Variants in LINGO2 observed in about 807,000 individuals in gnomAD.
The protein encoded by LINGO2 is leucine rich repeat and Ig domain containing 2, also known as leucine-rich repeat and immunoglobulin-like domain-containing nogo receptor-interacting protein 2.
Under a neutral mutation model 30.6 loss-of-function variants are expected in LINGO2, and 14 were observed. The ratio of observed to expected loss-of-function variants is 0.46; its 90% CI spans 0.30 to 0.72. LINGO2 has a LOEUF of 0.72. Among genes scored for constraint, LINGO2 ranks in the 30% least tolerant of loss-of-function variants. LINGO2 has a pLI of 0.07. For synonymous variants in LINGO2, 317 were observed against 288.5 expected (o/e 1.10, Z -1.00); for missense variants, 729 against 751.7 (o/e 0.97, Z 0.35).
At chr9:29,096,501 G>A in the LINGO2 span, among the ~76,000 whole-genome samples, 9 of 139,426 alleles carry the variant, frequency 6.5e-5, no homozygotes, top group African/African-American at 2.4e-4. Context: ...GGCCAGGCTG[G>A]TCTCAAATTC....
At chr9:28,538,513 T>A (rs1821532810) in intron 1 of LINGO2, among the ~76,000 whole-genome samples, 1 of 151,644 alleles carries the variant, frequency 6.6e-6, no homozygotes, top group Non-Finnish European at 1.5e-5. Flanking sequence ...AATAAAGGAG[T>A]AAAAAAGAAA....
chr9:28,346,390 C>T (rs141079287), intron 3 of LINGO2, among the ~76,000 whole-genome samples: 2,993 of 152,260 alleles, frequency 0.02, 111 homozygotes, highest in African/African-American at 0.068. Flanking sequence ...TTTTTTATGG[C>T]TGCATAGTAG....
At chr9:28,289,568 G>C (rs542280669) in intron 4 of LINGO2, among the ~76,000 whole-genome samples, 2 of 152,236 alleles carry the variant, frequency 1.3e-5, no homozygotes, top group East Asian at 1.9e-4. Flanking sequence ...CTCTTCCTTT[G>C]TGACAAGATA....
chr9:28,270,127 T>G (rs150113278), intron 4 of LINGO2, among the ~76,000 whole-genome samples: 1 of 152,146 alleles, frequency 6.6e-6, no homozygotes, highest in Non-Finnish European at 1.5e-5. Context: ...TTTCACTGAG[T>G]TCGGCAAAGT....
intron 1 of LINGO2, among the ~76,000 whole-genome samples, chr9:28,609,417 A>G (rs1373823968): frequency 1.3e-5 from 2 of 152,008 alleles, no homozygotes; most frequent in Non-Finnish European, 2.9e-5. Flanking sequence ...AATAATAAAA[A>G]GCAAACTTCC....
chr9:28,581,113 G>A (rs529337587), intron 1 of LINGO2, among the ~76,000 whole-genome samples: 1 of 151,916 alleles, frequency 6.6e-6, no homozygotes, highest in Non-Finnish European at 1.5e-5. Context: ...AGAAATTCAG[G>A]CTGTTGACAT....
chr9:29,070,743 A>AG, the LINGO2 span, among the ~76,000 whole-genome samples: 10 of 51,378 alleles, frequency 1.9e-4, no homozygotes, highest in Non-Finnish European at 2.9e-4. Flanking sequence ...ACTATTTTCC[A>AG]AAAAAAAAAA....
intron 4 of LINGO2, among the ~76,000 whole-genome samples, chr9:28,211,939 T>TA (rs1050730749): frequency 4.6e-5 from 7 of 151,334 alleles, no homozygotes; most frequent in East Asian, 1.9e-4. Flanking sequence ...TTTTTTTTTT[T>TA]ATCGATTACT....
the LINGO2 span, among the ~76,000 whole-genome samples, chr9:28,872,396 G>T: frequency 6.6e-6 from 1 of 151,920 alleles, no homozygotes; most frequent in African/African-American, 2.4e-5. Flanking sequence ...TAACAGGAAA[G>T]ATAAGATTCA....
At chr9:28,104,060 C>T (rs772216132) in intron 4 of LINGO2, among the ~76,000 whole-genome samples, 9 of 151,884 alleles carry the variant, frequency 5.9e-5, no homozygotes, top group Non-Finnish European at 1.2e-4. Context: ...GAAAAAAACT[C>T]CTATAAAATA....
chr9:28,753,979 A>G, the LINGO2 span, among the ~76,000 whole-genome samples: 1 of 150,686 alleles, frequency 6.6e-6, no homozygotes, highest in African/African-American at 2.5e-5. Context: ...TTCCACTTTA[A>G]TTTTTATTAA....
At chr9:28,561,478 C>T (rs1255757577) in intron 1 of LINGO2, among the ~76,000 whole-genome samples, 1 of 150,248 alleles carries the variant, frequency 6.7e-6, no homozygotes, top group East Asian at 1.9e-4. Flanking sequence ...GTCCCTGTTT[C>T]TATAATTAGT....
chr9:28,907,021 C>T, the LINGO2 span, among the ~76,000 whole-genome samples: 30 of 152,012 alleles, frequency 2.0e-4, no homozygotes, highest in African/African-American at 6.5e-4. Flanking sequence ...TGCGTTAAAG[C>T]TAAGAGAGCC....
intron 3 of LINGO2, among the ~76,000 whole-genome samples, chr9:28,372,211 C>T (rs1820930324): frequency 6.6e-6 from 1 of 152,128 alleles, no homozygotes; most frequent in Non-Finnish European, 1.5e-5. Context: ...ATTGAATTCA[C>T]TTAAGTCTAT....
chr9:28,531,584 T>C (rs899659646), intron 1 of LINGO2, among the ~76,000 whole-genome samples: 2 of 152,182 alleles, frequency 1.3e-5, no homozygotes, highest in Non-Finnish European at 2.9e-5. Context: ...TAAGTATCTA[T>C]AGTTTTATTT....
chr9:29,037,991 T>G, the LINGO2 span, among the ~76,000 whole-genome samples: 1 of 152,070 alleles, frequency 6.6e-6, no homozygotes. Context: ...TGTTGATGTA[T>G]AGTTTACCCT....
chr9:28,202,555 A>G (rs1035651328), intron 4 of LINGO2, among the ~76,000 whole-genome samples: 8 of 151,926 alleles, frequency 5.3e-5, no homozygotes, highest in Non-Finnish European at 1.0e-4. Context: ...CTGTTCCCTC[A>G]CCCCGTCCCC....
the LINGO2 span, among the ~76,000 whole-genome samples, chr9:29,199,068 C>T: frequency 3.3e-5 from 5 of 151,940 alleles, no homozygotes; most frequent in Non-Finnish European, 5.9e-5. Context: ...ATGGTTGTTG[C>T]GGGCCTGTGG....
At chr9:28,506,944 T>C (rs957027632) in intron 1 of LINGO2, among the ~76,000 whole-genome samples, 4 of 152,036 alleles carry the variant, frequency 2.6e-5, no homozygotes, top group South Asian at 2.1e-4. Context: ...TACATTACTA[T>C]AAAATTCAAA....
Sources: allele counts gnomAD v4.1 joint callset (sites outside exome capture counted in the v4.1 genomes callset), GRCh38; gene constraint gnomAD v4.1.1; transcripts MANE v1.5; gene names NCBI Gene and HGNC (gene_info 2026-07-23, HGNC 2026-07-21).